Variants in GRM7 observed in about 807,000 individuals in gnomAD.
GRM7 encodes the protein glutamate metabotropic receptor 7.
Under a neutral mutation model 84.5 loss-of-function variants are expected in GRM7, and 35 were observed. The observed-to-expected ratio is 0.41, with a 90% CI of 0.32 to 0.55. The LOEUF (loss-of-function observed/expected upper bound fraction) is 0.55, where lower values mean the gene tolerates loss of function less well. GRM7 is among the 20% of genes least tolerant of loss of function. GRM7 has a pLI of 0.19. For missense variants in GRM7, 1,003 were observed against 1,194.6 expected (o/e 0.84, Z 2.36); for synonymous variants, 487 against 455.1 (o/e 1.07, Z -0.89).
At chr3:6,987,993 A>G (rs1371663844) in intron 1 of GRM7, among the ~76,000 whole-genome samples, 3 of 134,004 alleles carry the variant, frequency 2.2e-5, no homozygotes, top group Admixed American at 7.5e-5. Context: ...CATCACCTCT[A>G]GCTTTTTTTT....
At chr3:7,058,065 T>C (rs1042296977) in intron 1 of GRM7, among the ~76,000 whole-genome samples, 44 of 152,084 alleles carry the variant, frequency 2.9e-4, no homozygotes, top group African/African-American at 9.9e-4. Context: ...TTTATGTGTA[T>C]AAACACATGC....
intron 8 of GRM7, among the ~76,000 whole-genome samples, chr3:7,660,039 C>A (rs1275698927): frequency 2.0e-5 from 3 of 152,004 alleles, no homozygotes; most frequent in African/African-American, 4.8e-5. Flanking sequence ...TAGATGAAAA[C>A]CAAATAGGTA....
chr3:7,224,889 T>C (rs541461224), intron 2 of GRM7, among the ~76,000 whole-genome samples: 4 of 152,332 alleles, frequency 2.6e-5, no homozygotes, highest in African/African-American at 9.6e-5. Context: ...AAGCATTTCA[T>C]GAATCCCATG....
intron 2 of GRM7, among the ~76,000 whole-genome samples, chr3:7,215,595 G>T (rs966435861): frequency 2.6e-5 from 4 of 151,990 alleles, no homozygotes; most frequent in African/African-American, 9.7e-5. Flanking sequence ...AACCCGGGGG[G>T]CGGAGCTTGC....
intron 1 of GRM7, among the ~76,000 whole-genome samples, chr3:6,945,692 G>A (rs1388931211): frequency 6.6e-6 from 1 of 152,118 alleles, no homozygotes; most frequent in Non-Finnish European, 1.5e-5. Context: ...GTGTAAAAGT[G>A]TTCCTATTTC....
intron 2 of GRM7, among the ~76,000 whole-genome samples, chr3:7,218,616 A>G (rs1236579898): frequency 6.6e-6 from 1 of 152,030 alleles, no homozygotes; most frequent in African/African-American, 2.4e-5. Context: ...TCTTTAGTGT[A>G]AAGCGATAAA....
At chr3:6,865,183 C>T (rs912858787) in intron 1 of GRM7, among the ~76,000 whole-genome samples, 6 of 152,086 alleles carry the variant, frequency 3.9e-5, no homozygotes, top group African/African-American at 7.2e-5. Context: ...CCTAAGCTTG[C>T]GCAAAATAAT....
At chr3:7,601,621 T>C (rs1696315438) in intron 8 of GRM7, among the ~76,000 whole-genome samples, 1 of 152,066 alleles carries the variant, frequency 6.6e-6, no homozygotes, top group Admixed American at 6.6e-5. Flanking sequence ...AAAACCTGGC[T>C]CAGGGTGGCT....
At chr3:7,271,570 A>T (rs1039754440) in intron 2 of GRM7, among the ~76,000 whole-genome samples, 2 of 150,120 alleles carry the variant, frequency 1.3e-5, no homozygotes, top group Non-Finnish European at 3.0e-5. Flanking sequence ...AATAAAAAAA[A>T]AAAAAAAAAA....
intron 4 of GRM7, among the ~76,000 whole-genome samples, chr3:7,364,796 A>T (rs2125109427): frequency 6.6e-6 from 1 of 151,988 alleles, no homozygotes; most frequent in Admixed American, 6.6e-5. Context: ...TTTTAATGCA[A>T]GTGCTTATAA....
chr3:6,978,339 C>G (rs1442468841), intron 1 of GRM7, among the ~76,000 whole-genome samples: 1 of 152,078 alleles, frequency 6.6e-6, no homozygotes, highest in South Asian at 2.1e-4. Flanking sequence ...GCCCCCAACA[C>G]CTTGATTATA....
At chr3:7,055,003 G>A (rs955215627) in intron 1 of GRM7, among the ~76,000 whole-genome samples, 12 of 151,902 alleles carry the variant, frequency 7.9e-5, no homozygotes, top group South Asian at 2.1e-4. Context: ...CAGTTTTCCC[G>A]TTGCTTAAGA....
intron 4 of GRM7, among the ~76,000 whole-genome samples, chr3:7,334,976 T>C (rs909225075): frequency 6.6e-6 from 1 of 152,074 alleles, no homozygotes; most frequent in East Asian, 1.9e-4. Flanking sequence ...GGGACTTCAG[T>C]ACACCATTGA....
In GRM7 at chr3:6,899,956, G is replaced by A. The variant is rs376116543; in HGVS notation, c.519+38049G>A. Among the ~76,000 whole-genome samples the A allele has an allele frequency of 6.9e-4, 105 of 152,168 alleles. 1 individual carries two copies. The highest frequency in any genetic ancestry group is 2.4e-3 in the African/African-American group (99 of 41,520). On this transcript the variant is annotated intron_variant, in intron 1 of 9. Coordinates refer to ENST00000357716, the MANE Select transcript of GRM7 (RefSeq NM_000844.4). ...CAGTATCTTTACAGAAGTCAAATAC[G>A]TCTTTGTCAAAAATAGCTTTAACTT...
chr3:7,470,847 C>G (rs1698672672), intron 7 of GRM7, among the ~76,000 whole-genome samples: 1 of 152,162 alleles, frequency 6.6e-6, no homozygotes, highest in Admixed American at 6.5e-5. Context: ...ATCTGCCTAA[C>G]TTTTTTGCTT....
intron 9 of GRM7, among the ~76,000 whole-genome samples, chr3:7,714,229 G>A (rs551891424): frequency 2.6e-5 from 4 of 152,146 alleles, no homozygotes; most frequent in Admixed American, 6.5e-5. Flanking sequence ...ATTTGCACAA[G>A]GCCTTTTCAC....
chr3:7,677,038 G>A (rs527826182), intron 8 of GRM7, among the ~76,000 whole-genome samples: 1 of 151,948 alleles, frequency 6.6e-6, no homozygotes, highest in Non-Finnish European at 1.5e-5. Context: ...GAGGCAGGAG[G>A]ATCACGAGGT....
At chr3:7,161,691 C>T (rs1267279882) in intron 2 of GRM7, among the ~76,000 whole-genome samples, 2 of 152,186 alleles carry the variant, frequency 1.3e-5, no homozygotes, top group African/African-American at 2.4e-5. Flanking sequence ...CTTCCTTGCT[C>T]ATTACTTCTA....
chr3:7,293,314 G>A (rs893895584), intron 2 of GRM7, among the ~76,000 whole-genome samples: 4 of 152,056 alleles, frequency 2.6e-5, no homozygotes, highest in African/African-American at 7.2e-5. Flanking sequence ...GCTACCATGC[G>A]CAGACAGAAA....
Sources: gnomAD v4.1 joint callset for allele counts (sites outside exome capture counted in the v4.1 genomes callset) on GRCh38, gnomAD v4.1.1 for gene constraint, MANE v1.5 for transcripts, NCBI Gene and HGNC (gene_info 2026-07-23, HGNC 2026-07-21) for gene names.